Variants in PHKG2 observed in about 807,000 individuals in gnomAD.
PHKG2 encodes phosphorylase b kinase gamma catalytic chain, liver/testis isoform.
A neutral mutation model predicts 44.5 loss-of-function variants in PHKG2; 28 were observed. The ratio of observed to expected loss-of-function variants is 0.63; its 90% confidence interval spans 0.47 to 0.86. The LOEUF (loss-of-function observed/expected upper bound fraction) is 0.86. PHKG2 is among the 40% of genes least tolerant of loss of function. The pLI, the probability that PHKG2 is intolerant of heterozygous loss-of-function variation, is 0.00. For synonymous variants in PHKG2, 220 were observed against 211.2 expected (o/e 1.04, Z -0.36); for missense variants, 498 against 547.5 (o/e 0.91, Z 0.90).
intron 9 of PHKG2, 26 bp from the exon 10 acceptor site, chr16:30,756,778 A>G (rs541781352): frequency 6.2e-7 from 1 of 1,614,088 alleles, no homozygotes; most frequent in Non-Finnish European, 8.5e-7. Flanking sequence ...CCCCTGCACT[A>G]GAGCTCACCC....
At chr16:30,752,377 G>A (rs909124432) in intron 4 of PHKG2, 1 of 149,300 alleles carries the variant, frequency 6.7e-6, no homozygotes, top group African/African-American at 2.5e-5. Flanking sequence ...GGGTGACAGA[G>A]CGAGACTCTA....
At chr16:30,754,192 GTCTCAC>G (rs1355711260) in intron 6 of PHKG2, among the ~76,000 whole-genome samples, 1 of 146,418 alleles carries the variant, frequency 6.8e-6, no homozygotes, top group Non-Finnish European at 1.5e-5. Flanking sequence ...TTGAGACAGA[GTCTCAC>G]TCTGTCACCC....
At position 30,761,000 on chromosome 16, in the gene PHKG2, T is replaced by G; in HGVS notation, c.*3903T>G. 1 of 638,010 alleles carries G rather than the reference T, an allele frequency of 1.6e-6. No homozygotes were observed. The highest frequency in any genetic ancestry group is 2.0e-5 in the South Asian group (1 of 50,990). The allele number at this position is 638,010 out of a possible 1,614,324, so 39.5% of individuals were successfully genotyped here. A position where few individuals can be genotyped will look rare whatever the true frequency, so the allele number is the denominator to read the frequency against. On this transcript the variant is annotated 3_prime_UTR_variant, in exon 10 of 10. Transcript: ENST00000563588. ...CATGAGACTCCATTTACATTCTGTC[T>G]TTGGCTCTTTTTTTCTCACACTGCC...
In PHKG2 at chr16:30,759,413, C is replaced by T; in HGVS notation, c.*2316C>T. 1 of 1,614,232 alleles carries T rather than the reference C, an allele frequency of 6.2e-7. No homozygotes were observed. Among genetic ancestry groups the T allele is most frequent in the Non-Finnish European group, 8.5e-7 (1 of 1,180,044 alleles). ...GTGTTGACCACGTAGTCTTCCAAGGCCAGCAGCTGTTCCTCTTTGAAGAGG... is the reference window on the plus strand; with the variant it reads ...GTGTTGACCACGTAGTCTTCCAAGGTCAGCAGCTGTTCCTCTTTGAAGAGG... On this transcript the variant is annotated 3_prime_UTR_variant, in exon 10 of 10. Coordinates refer to ENST00000563588, the MANE Select transcript of PHKG2 (RefSeq NM_000294.3).
At chr16:30,752,533 TGTC>T (rs2053365387) in intron 4 of PHKG2, 2 of 153,128 alleles carry the variant, frequency 1.3e-5, no homozygotes, top group African/African-American at 4.8e-5. Flanking sequence ...AGAATCTGAA[TGTC>T]CGATGCAATT....
At position 30,756,336 on chromosome 16, in the gene PHKG2, T is replaced by C. The variant is rs371069343; in HGVS notation, c.648-31T>C. 1.0e-4 allele frequency: 162 copies of C among 1,614,174 alleles called. No homozygotes were observed. The African/African-American group carries it at 2.0e-3, about 20-fold the overall frequency. ...TCCTTTGCTGGGTCTGCCCGTCACCTAGTCCCGCCTGACTCCAGTCTCTTT... is the reference window on the plus strand; with the variant it reads ...TCCTTTGCTGGGTCTGCCCGTCACCCAGTCCCGCCTGACTCCAGTCTCTTT... On this transcript the variant is annotated intron_variant, in intron 7 of 9. Coordinates refer to ENST00000563588, the MANE Select transcript of PHKG2 (RefSeq NM_000294.3).
rs560822842 is a variant in PHKG2 at position 30,758,954 on chromosome 16, CCCTT to C, written c.*1859_*1862del. On this transcript the variant is annotated 3_prime_UTR_variant, in exon 10 of 10. Coordinates refer to ENST00000563588, the MANE Select transcript of PHKG2 (RefSeq NM_000294.3). Reference sequence around the variant, plus strand: ...GTCTGAAGTCCTGATGTCATCCAAACCCTTCATTCTACACCTGCTCAGAGGGACA... The same window carrying C: ...GTCTGAAGTCCTGATGTCATCCAAACCATTCTACACCTGCTCAGAGGGACA... The C allele has an allele frequency of 4.0e-4, 644 of 1,604,472 alleles. 11 individuals are homozygous for C. The East Asian group carries it at 0.014, about 35-fold the overall frequency.
chr16:30,760,075 TCAGAA>T lies in PHKG2; in HGVS notation c.*2982_*2986del, dbSNP rs1342553348. On this transcript the variant is annotated 3_prime_UTR_variant, in exon 10 of 10. Coordinates refer to ENST00000563588, the MANE Select transcript of PHKG2 (RefSeq NM_000294.3). ...TGCATATATTTGCATATATTATTTCTCAGAACAGTCCTGTAAAATGTGTGCTGTAT... is the reference window on the plus strand; with the variant it reads ...TGCATATATTTGCATATATTATTTCTCAGTCCTGTAAAATGTGTGCTGTAT... 2 of 1,534,436 alleles carry T rather than the reference TCAGAA, an allele frequency of 1.3e-6. No individual in the cohort carries two copies. Among genetic ancestry groups the T allele is most frequent in the Non-Finnish European group, 1.7e-6 (2 of 1,146,042 alleles).
In PHKG2 at chr16:30,759,733, G is replaced by A; in HGVS notation, c.*2636G>A. The A allele has an allele frequency of 6.2e-7, 1 of 1,603,364 alleles. No homozygotes were observed. Among genetic ancestry groups the A allele is most frequent in the Non-Finnish European group, 8.5e-7 (1 of 1,174,132 alleles). ...GTTGCCCAAGGGGGTTGCTGGTAGG[G>A]AAAGCAAGATGCAGCAGTGAGGCCC... On this transcript the variant is annotated 3_prime_UTR_variant, in exon 10 of 10. Coordinates refer to ENST00000563588, the MANE Select transcript of PHKG2 (RefSeq NM_000294.3).
At chr16:30,755,161 G>C (rs909738910) in intron 6 of PHKG2, 3 of 306,498 alleles carry the variant, frequency 9.8e-6, no homozygotes, top group Admixed American at 8.4e-5. Context: ...AGGCTCACTT[G>C]AGCCTAGGAG....
Position 30,757,091 on chromosome 16 carries a change from G to T in PHKG2, c.1215G>T (p.Leu405=). ...CTGAGGATGAGGCCGTGCTTGTGCT[G>T]GGCTAGGACCTCAACCCCAGGGATT... ...AITEDEAVLV[L]G is the part of the protein sequence containing the mutation. The change falls in exon 10 of 10, where the codon CTG becomes CTT. Residue 405 remains leucine, a synonymous_variant. Coordinates refer to ENST00000563588, the MANE Select transcript of PHKG2 (RefSeq NM_000294.3). 6.2e-7 allele frequency: 1 copy of T among 1,613,220 alleles called. No homozygotes were observed.
intron 2 of PHKG2, among the ~76,000 whole-genome samples, chr16:30,749,118 CTGGTGCTGGTGG>C (rs1189835896): frequency 0.058 from 349 of 6,060 alleles, 101 homozygotes; most frequent in Middle Eastern, 0.12. Context: ...GCTGGTGGTG[CTGGTGCTGGTGG>C]TGGTGGTGCT....
chr16:30,758,020 A>C lies in PHKG2; in HGVS notation c.*923A>C. On this transcript the variant is annotated 3_prime_UTR_variant, in exon 10 of 10. Coordinates refer to ENST00000563588, the MANE Select transcript of PHKG2 (RefSeq NM_000294.3). ...GTAAAATGCTTAGAGCAGGGCATGC[A>C]CTGCACACCTATTGCCAAGTATGTG... is the stretch of plus-strand genomic sequence containing the variant. The C allele has an allele frequency of 5.1e-6, 1 of 197,224 alleles. No individual in the cohort carries two copies. The highest frequency in any genetic ancestry group is 1.0e-5 in the Non-Finnish European group (1 of 100,136). 12.2% of individuals were successfully genotyped at this position (197,224 alleles called of 1,614,324 possible).
chr16:30,757,609 T>TTGTTCAC lies in PHKG2; in HGVS notation c.*514_*520dup. The TTGTTCAC allele has an allele frequency of 6.2e-7, 1 of 1,614,104 alleles. No individual in the cohort carries two copies. The stretch of plus-strand genomic sequence containing the variant: ...CAGCCCCTGGAGCTGCTCCAGCTCT[T>TTGTTCAC]TGTTCACTTGGGTCTTGATGTAGGC... On this transcript the variant is annotated 3_prime_UTR_variant, in exon 10 of 10. Transcript: ENST00000563588.
rs753962410 is a variant in PHKG2 at position 30,756,850 on chromosome 16, C to G, written c.974C>G (p.Thr325Ser). ...VLAAGRVALS[T>S]HRVRPLTKNA... ...GCTGCTGGACGAGTGGCCCTAAGCA[C>G]CCATCGTGTACGGCCACTGACCAAG... is the stretch of plus-strand genomic sequence containing the variant. The change falls in exon 10 of 10, where the codon ACC becomes AGC. Residue 325 changes from threonine (T) to serine (S), a missense_variant. By Grantham distance (58) the Thr-to-Ser change is moderately conservative. Transcript: ENST00000563588. 6.2e-7 allele frequency: 1 copy of G among 1,614,140 alleles called. No individual in the cohort carries two copies. The highest frequency in any genetic ancestry group is 8.5e-7 in the Non-Finnish European group (1 of 1,180,030).
rs761837008 is a variant in PHKG2, at chr16:30,760,231, GGCCC to G, written c.*3136_*3139del. On this transcript the variant is annotated 3_prime_UTR_variant, in exon 10 of 10. Coordinates refer to ENST00000563588, the MANE Select transcript of PHKG2 (RefSeq NM_000294.3). The stretch of plus-strand genomic sequence containing the variant: ...CTGCTTCCCATGGTCACTTGTGCCA[GGCCC>G]GGTTCCTCTTCTCCCTGGGGCTCAA... 6.2e-7 allele frequency: 1 copy of G among 1,613,358 alleles called. No individual in the cohort carries two copies.
chr16:30,749,909 C>T (rs1389008335), intron 2 of PHKG2, among the ~76,000 whole-genome samples: 1 of 152,134 alleles, frequency 6.6e-6, no homozygotes, highest in African/African-American at 2.4e-5. Flanking sequence ...CAGAAAAGCA[C>T]ACCTTCTCAG....
intron 6 of PHKG2, chr16:30,754,857 T>C (rs1048250151): frequency 2.2e-5 from 10 of 455,966 alleles, no homozygotes; most frequent in Non-Finnish European, 4.0e-5. Flanking sequence ...TGTATTGTTA[T>C]TTCTCACTTG....
chr16:30,755,103 G>A (rs569332886), intron 6 of PHKG2: 8 of 342,096 alleles, frequency 2.3e-5, no homozygotes, highest in Non-Finnish European at 4.1e-5. Context: ...TGAGCCAAGC[G>A]TGGTGGCACG....
Sources: gnomAD v4.1 joint callset for allele counts (sites outside exome capture counted in the v4.1 genomes callset) on GRCh38, gnomAD v4.1.1 for gene constraint, MANE v1.5 for transcripts, NCBI Gene and HGNC (gene_info 2026-07-23, HGNC 2026-07-21) for gene names.